PGM1: variants seen among roughly 807,000 people sequenced by gnomAD.
The protein encoded by PGM1 is phosphoglucomutase 1, also known as phosphoglucomutase-1.
A neutral mutation model predicts 55.6 loss-of-function variants in PGM1; 52 were observed. The observed-to-expected ratio is 0.94, with a 90% confidence interval of 0.75 to 1.18. PGM1 has a LOEUF of 1.18. Ranked by LOEUF, PGM1 falls within the 50% of genes most tolerant of loss-of-function variation. The pLI, the probability that PGM1 is intolerant of heterozygous loss-of-function variation, is 0.00. For synonymous variants in PGM1, 287 were observed against 271.7 expected, an observed-to-expected ratio of 1.06 and a Z score of -0.55; for missense variants, 724 against 729.3, an observed-to-expected ratio of 0.99 and a Z score of 0.08.
intron 10 of PGM1, among the ~76,000 whole-genome samples, chr1:63,656,741 T>C (rs1649979903): frequency 6.6e-6 from 1 of 152,064 alleles, no homozygotes; most frequent in Non-Finnish European, 1.5e-5. Context: ...GAAAGGCAAA[T>C]ACTGCATGAT....
chr1:63,621,100 A>T (rs997149061), intron 1 of PGM1, among the ~76,000 whole-genome samples: 2 of 152,164 alleles, frequency 1.3e-5, no homozygotes, highest in Admixed American at 6.5e-5. Context: ...TATAGTGTTC[A>T]TAAAATTATG....
At chr1:63,613,281 T>TTA (rs58978011) in intron 1 of PGM1, among the ~76,000 whole-genome samples, 1 of 150,442 alleles carries the variant, frequency 6.6e-6, no homozygotes, top group Admixed American at 6.6e-5. Flanking sequence ...TTTTTTTTTT[T>TTA]AAGCACTTAG....
chr1:63,630,506 G>A lies in PGM1; in HGVS notation c.556+418G>A, dbSNP rs535347482. Among the ~76,000 whole-genome samples, 19 of 152,300 alleles carry A rather than the reference G, an allele frequency of 1.2e-4. No individual in the cohort carries two copies. In the South Asian group the frequency reaches 3.5e-3, roughly 28 times the overall value. ...TATTATAGATGAGGAAACAAAGGCT[G>A]AGAGAGATTAAGTAACAGGCTCAAG... On this transcript the variant is annotated intron_variant, in intron 3 of 10. Transcript: ENST00000371084.
chr1:63,656,906 T>C (rs1649984069), intron 10 of PGM1, among the ~76,000 whole-genome samples: 1 of 152,120 alleles, frequency 6.6e-6, no homozygotes, highest in South Asian at 2.1e-4. Flanking sequence ...AGAGATGGAA[T>C]GTACAACATG....
At chr1:63,623,752 G>A in intron 1 of PGM1, 1 of 1,608,448 alleles carries the variant, frequency 6.2e-7, no homozygotes, top group South Asian at 1.1e-5. Context: ...GATGGCAGCT[G>A]CCAATGGGGT....
chr1:63,617,850 A>G (rs1291595282), intron 1 of PGM1, among the ~76,000 whole-genome samples: 1 of 150,602 alleles, frequency 6.6e-6, no homozygotes, highest in African/African-American at 2.4e-5. Flanking sequence ...CCCATTTGTC[A>G]ATGGAAATTA....
At chr1:63,645,009 A>G (rs948011847) in intron 7 of PGM1, among the ~76,000 whole-genome samples, 6 of 152,230 alleles carry the variant, frequency 3.9e-5, no homozygotes, top group African/African-American at 1.4e-4. Flanking sequence ...GGTATTTTCC[A>G]CTGGAAACTT....
chr1:63,651,923 T>A lies in PGM1; in HGVS notation c.1464+71T>A. 2.1e-6 allele frequency: 3 copies of A among 1,421,086 alleles called. No individual in the cohort carries two copies. In the East Asian group the frequency reaches 6.9e-5, roughly 33 times the overall value. The allele number at this position is 1,421,086 out of a possible 1,614,324, so 88.0% of individuals were successfully genotyped here. A position where few individuals can be genotyped will look rare whatever the true frequency, so the allele number is the denominator to read the frequency against. On this transcript the variant is annotated intron_variant, in intron 9 of 10. Transcript: ENST00000371084. ...CATCTCTGACATCTCAAGGGAAAAA[T>A]TAAAAAGTTCCTGTTGGCTATTTTT...
At chr1:63,600,054 A>C (rs1361463322) in intron 1 of PGM1, 1 of 152,232 alleles carries the variant, frequency 6.6e-6, no homozygotes, top group African/African-American at 2.4e-5. Flanking sequence ...GCCTGCACCT[A>C]AAACCAATTA....
intron 1 of PGM1, among the ~76,000 whole-genome samples, chr1:63,599,573 G>C (rs1648176904): frequency 6.6e-6 from 1 of 151,524 alleles, no homozygotes; most frequent in Admixed American, 6.6e-5. Context: ...TGGGTCACTT[G>C]AGCCCAGGAG....
chr1:63,639,296 G>A (rs1649452445), intron 7 of PGM1, among the ~76,000 whole-genome samples: 1 of 152,164 alleles, frequency 6.6e-6, no homozygotes, highest in African/African-American at 2.4e-5. Context: ...GTGGAACTAA[G>A]TTGCTAGGTG....
intron 1 of PGM1, among the ~76,000 whole-genome samples, chr1:63,610,816 A>G (rs1570477389): frequency 6.6e-6 from 1 of 152,162 alleles, no homozygotes; most frequent in South Asian, 2.1e-4. Flanking sequence ...GTTTTCAGTA[A>G]TATGTCGTCA....
At chr1:63,613,768 C>T (rs1015183638) in intron 1 of PGM1, among the ~76,000 whole-genome samples, 19 of 146,166 alleles carry the variant, frequency 1.3e-4, no homozygotes, top group Middle Eastern at 3.6e-3. Context: ...CATCTATACT[C>T]TGTCCACCAA....
At chr1:63,633,040 C>T (rs545191947) in intron 4 of PGM1, among the ~76,000 whole-genome samples, 4 of 152,058 alleles carry the variant, frequency 2.6e-5, no homozygotes, top group African/African-American at 9.6e-5. Flanking sequence ...CAAAAAATCC[C>T]TAAAAAACTA....
chr1:63,642,326 C>T (rs1649539569), intron 7 of PGM1, among the ~76,000 whole-genome samples: 1 of 152,146 alleles, frequency 6.6e-6, no homozygotes, highest in African/African-American at 2.4e-5. Flanking sequence ...GCTTTCTCAC[C>T]TGGATATGGT....
chr1:63,647,261 TATATATATATA>T lies in PGM1; in HGVS notation c.1145-1255_1145-1245del, dbSNP rs1557441372. 4.0e-3 allele frequency among the ~76,000 whole-genome samples: 193 copies of T among 48,484 alleles called. 3 individuals carry two copies. The highest frequency in any genetic ancestry group is 0.024 in the South Asian group (37 of 1,568). The allele number at this position is 48,484 out of a possible 152,430, so 31.8% of individuals were successfully genotyped here. On this transcript the variant is annotated intron_variant, in intron 7 of 10. Transcript: ENST00000371084. Reference sequence around the variant, plus strand: ...CCGTCTCAAAAAATAAAATTTTACATATATATATATATATATATATATATATATATATATAT... The same window carrying T: ...CCGTCTCAAAAAATAAAATTTTACATTATATATATATATATATATATATAT...
chr1:63,598,669 T>C (rs1648149285), intron 1 of PGM1, among the ~76,000 whole-genome samples: 1 of 152,214 alleles, frequency 6.6e-6, no homozygotes, highest in Admixed American at 6.5e-5. Context: ...ATAAAGATTG[T>C]TTTGTTTATT....
At chr1:63,618,453 C>G (rs1261717711) in intron 1 of PGM1, among the ~76,000 whole-genome samples, 1 of 152,122 alleles carries the variant, frequency 6.6e-6, no homozygotes, top group East Asian at 1.9e-4. Flanking sequence ...AAACTGGAAC[C>G]ACAAGGCTAA....
rs1553176973 is a variant in PGM1, at chr1:63,594,615, T to TA, written c.246+892dup. The stretch of plus-strand genomic sequence containing the variant: ...GCGGGTCCACTCGGATAGGGGAAAT[T>TA]AAAAAAAAAAAGTTTTTCAGTAAAT... On this transcript the variant is annotated intron_variant, in intron 1 of 10. Transcript: ENST00000371084. Among the ~76,000 whole-genome samples, 549 of 144,098 alleles carry TA rather than the reference T, an allele frequency of 3.8e-3. 4 individuals carry two copies. The highest frequency in any genetic ancestry group is 0.012 in the African/African-American group (475 of 39,212). The allele number at this position is 144,098 out of a possible 152,430, so 94.5% of individuals were successfully genotyped here.
Sources: gnomAD v4.1 joint callset for allele counts (sites outside exome capture counted in the v4.1 genomes callset) on GRCh38, gnomAD v4.1.1 for gene constraint, MANE v1.5 for transcripts, NCBI Gene and HGNC (gene_info 2026-07-23, HGNC 2026-07-21) for gene names.